The following TENM4 variants were observed in gnomAD, a reference collection of about 807,000 sequenced individuals.
The protein encoded by TENM4 is teneurin-4.
In TENM4, 82 loss-of-function variants were observed where a neutral mutation model predicts 243.3. The observed-to-expected ratio is 0.34, with a 90% CI of 0.28 to 0.40. TENM4 has a LOEUF of 0.40. TENM4 is among the 10% of genes least tolerant of loss of function. The pLI is 1.00. For missense variants in TENM4, 3,138 were observed against 3,673.3 expected (o/e 0.85, Z 3.77); for synonymous variants, 1,412 against 1,456.3 (o/e 0.97, Z 0.69).
rs1857929755 is a variant in TENM4 at position 78,657,716 on chromosome 11, G to T, written c.*342C>A. ...TCCCACATCACACTGGGTACCTAGG[G>T]ACAGACGAGGACACACCCCAGGAGA... On this transcript the variant is annotated 3_prime_UTR_variant, in exon 34 of 34. Coordinates refer to ENST00000278550, the MANE Select transcript of TENM4 (RefSeq NM_001098816.3). The T allele has an allele frequency of 1.4e-5, 6 of 426,860 alleles. No individual in the cohort carries two copies. The highest frequency in any genetic ancestry group is 1.3e-4 in the South Asian group (6 of 46,660). The allele number at this position is 426,860 out of a possible 1,614,324, so 26.4% of individuals were successfully genotyped here. A position where few individuals can be genotyped will look rare whatever the true frequency, so the allele number is the denominator to read the frequency against.
intron 12 of TENM4, among the ~76,000 whole-genome samples, chr11:78,838,340 A>T (rs1858166815): frequency 1.3e-5 from 2 of 152,104 alleles, no homozygotes; most frequent in African/African-American, 4.8e-5. Flanking sequence ...TGTTTACTGC[A>T]TATATTTTCT....
Position 78,812,109 on chromosome 11 carries a change from C to T in TENM4, c.1978+13G>A. 6.5e-7 allele frequency: 1 copy of T among 1,546,784 alleles called. No homozygotes were observed. The highest frequency in any genetic ancestry group is 2.5e-5 in the East Asian group (1 of 40,778). ...CAGAGGAAGGTGCCGGAGCTGCCAC[C>T]TGCAACTCTTACCTTCCTCACAGCT... On this transcript the variant is annotated intron_variant, in intron 14 of 33. Coordinates refer to ENST00000278550, the MANE Select transcript of TENM4 (RefSeq NM_001098816.3).
In TENM4 at chr11:79,139,777, A is replaced by AATATATATATTATATTT. The variant is rs1231182496; in HGVS notation, c.-66+8932_-66+8933insAAATATAATATATATAT. Among the ~76,000 whole-genome samples the AATATATATATTATATTT allele has an allele frequency of 3.7e-4, 10 of 26,796 alleles. 1 individual carries two copies. The highest frequency in any genetic ancestry group is 3.7e-4 in the Non-Finnish European group (6 of 16,310). The allele number at this position is 26,796 out of a possible 152,430, so 17.6% of individuals were successfully genotyped here. ...ATATATTATATTTATATAAATATAT[A>AATATATATATTATATTT]ATATATATTATATTTATATAAATAT... is the stretch of plus-strand genomic sequence containing the variant. On this transcript the variant is annotated intron_variant, in intron 4 of 33. Coordinates refer to ENST00000278550, the MANE Select transcript of TENM4 (RefSeq NM_001098816.3).
chr11:78,698,730 T>C (rs928533404), intron 28 of TENM4, among the ~76,000 whole-genome samples: 2 of 152,156 alleles, frequency 1.3e-5, no homozygotes, highest in African/African-American at 4.8e-5. Context: ...AGCCCAGAAA[T>C]GGGGTAGGGC....
intron 1 of TENM4, among the ~76,000 whole-genome samples, chr11:79,390,935 G>A (rs148260709): frequency 9.3e-4 from 142 of 152,340 alleles, no homozygotes; most frequent in African/African-American, 3.1e-3. Context: ...ATTCAATAAT[G>A]CATATTATTT....
intron 18 of TENM4, among the ~76,000 whole-genome samples, chr11:78,762,409 T>C (rs1210873035): frequency 1.3e-5 from 2 of 152,176 alleles, no homozygotes; most frequent in Non-Finnish European, 2.9e-5. Flanking sequence ...TGGATAAACA[T>C]GGTCATAGCA....
At chr11:78,965,990 G>A (rs191817053) in intron 6 of TENM4, among the ~76,000 whole-genome samples, 342 of 152,036 alleles carry the variant, frequency 2.2e-3, no homozygotes, top group African/African-American at 7.8e-3. Flanking sequence ...TGTAATACAC[G>A]AGTGCTTGGA....
At chr11:79,029,411 A>G (rs1478166333) in intron 6 of TENM4, among the ~76,000 whole-genome samples, 1 of 152,204 alleles carries the variant, frequency 6.6e-6, no homozygotes, top group Non-Finnish European at 1.5e-5. Context: ...TTTTCCCAGG[A>G]CTGCCACCTC....
At chr11:79,110,400 C>A (rs747589332) in intron 4 of TENM4, among the ~76,000 whole-genome samples, 1 of 152,206 alleles carries the variant, frequency 6.6e-6, no homozygotes, top group Non-Finnish European at 1.5e-5. Flanking sequence ...ACTCACAGCA[C>A]CCTGGGGACT....
At chr11:78,683,763 A>G (rs1405086641) in intron 29 of TENM4, among the ~76,000 whole-genome samples, 1 of 152,074 alleles carries the variant, frequency 6.6e-6, no homozygotes, top group African/African-American at 2.4e-5. Flanking sequence ...TGGGAGCTGT[A>G]GACCGGAGCT....
chr11:79,079,670 T>C (rs1037760517), intron 4 of TENM4, among the ~76,000 whole-genome samples: 5 of 151,848 alleles, frequency 3.3e-5, no homozygotes, highest in African/African-American at 1.2e-4. Flanking sequence ...CTCTACGAAA[T>C]ATACAAGAAT....
At chr11:78,868,502 A>G (rs1305241879) in intron 9 of TENM4, among the ~76,000 whole-genome samples, 1 of 152,204 alleles carries the variant, frequency 6.6e-6, no homozygotes, top group Non-Finnish European at 1.5e-5. Flanking sequence ...GCTCTGGTCA[A>G]TCTCATCCCA....
chr11:79,307,693 A>G (rs1856649559), intron 1 of TENM4, among the ~76,000 whole-genome samples: 1 of 151,816 alleles, frequency 6.6e-6, no homozygotes, highest in Middle Eastern at 3.2e-3. Context: ...CTTTCCTCAA[A>G]CACTCCATTC....
At chr11:79,222,010 G>A (rs76403194) in intron 2 of TENM4, among the ~76,000 whole-genome samples, 6,095 of 152,228 alleles carry the variant, frequency 0.04, 148 homozygotes, top group African/African-American at 0.076. Flanking sequence ...GTGAACACAC[G>A]AGTGGTCCTC....
intron 6 of TENM4, among the ~76,000 whole-genome samples, chr11:78,990,677 G>T (rs996294273): frequency 1.3e-5 from 2 of 152,150 alleles, no homozygotes; most frequent in Admixed American, 1.3e-4. Flanking sequence ...TTCCTAGAAA[G>T]ATACATATAA....
intron 1 of TENM4, among the ~76,000 whole-genome samples, chr11:79,412,003 A>G (rs905400964): frequency 1.3e-5 from 2 of 152,220 alleles, no homozygotes; most frequent in Non-Finnish European, 2.9e-5. Flanking sequence ...AGTCTAGCAG[A>G]GCACTGATGC....
At chr11:79,043,417 T>C (rs2136910347) in intron 6 of TENM4, among the ~76,000 whole-genome samples, 1 of 152,228 alleles carries the variant, frequency 6.6e-6, no homozygotes, top group Non-Finnish European at 1.5e-5. Flanking sequence ...AAAAAGGCTA[T>C]TTGCTCCAGA....
chr11:79,360,663 A>G (rs140317121), intron 1 of TENM4, among the ~76,000 whole-genome samples: 2 of 152,360 alleles, frequency 1.3e-5, no homozygotes, highest in East Asian at 3.9e-4. Flanking sequence ...GTATTTTAAT[A>G]GACTGTCAGA....
chr11:79,422,857 C>T (rs1384143858), intron 1 of TENM4, among the ~76,000 whole-genome samples: 1 of 152,122 alleles, frequency 6.6e-6, no homozygotes, highest in Non-Finnish European at 1.5e-5. Context: ...CCTCTTTGTA[C>T]AAAGGTAAGG....
Sources: gnomAD v4.1 joint callset for allele counts (sites outside exome capture counted in the v4.1 genomes callset) on GRCh38, gnomAD v4.1.1 for gene constraint, MANE v1.5 for transcripts, NCBI Gene and HGNC (gene_info 2026-07-23, HGNC 2026-07-21) for gene names.